Variants in MAP3K9 observed in about 807,000 individuals in gnomAD.
MAP3K9 encodes mitogen-activated protein kinase kinase kinase 9.
A neutral mutation model predicts 95.8 loss-of-function variants in MAP3K9; 46 were observed. The ratio of observed to expected loss-of-function variants is 0.48; its 90% CI spans 0.38 to 0.61. The LOEUF (loss-of-function observed/expected upper bound fraction) is 0.61. Among genes scored for constraint, MAP3K9 ranks in the 20% least tolerant of loss-of-function variants. The probability of loss-of-function intolerance (pLI) is 0.00; values close to 1 mark genes in which losing one functional copy is unlikely to be tolerated. For missense variants in MAP3K9, 1,296 were observed against 1,474.3 expected (o/e 0.88, Z 1.98); for synonymous variants, 533 against 593.8 (o/e 0.90, Z 1.49).
chr14:70,730,397 G>A lies in MAP3K9; in HGVS notation c.3298C>T (p.Gln1100Ter). Residue 1100 changes from glutamine (Q) to a stop codon, truncating the protein, a stop_gained, in exon 12 of 12, where the codon CAG becomes TAG. Transcript: ENST00000554752. LOFTEE classifies it high-confidence loss of function. The stretch of plus-strand genomic sequence containing the variant: ...TTTTCGTGCTAAGACCAGAACTCCT[G>A]CTGGATCTCATAAGGGGCAGGCCTG... ...THRPAPYEIQ[Q>*]EFWS 1 of 1,607,616 alleles carries A rather than the reference G, an allele frequency of 6.2e-7. No homozygotes were observed. Among genetic ancestry groups the A allele is most frequent in the Middle Eastern group, 1.7e-4 (1 of 6,036 alleles).
At position 70,808,972 on chromosome 14, in the gene MAP3K9, C is replaced by G; in HGVS notation, c.200G>C (p.Gly67Ala). The G allele has an allele frequency of 6.4e-7, 1 of 1,569,300 alleles. No individual in the cohort carries two copies. Among genetic ancestry groups the G allele is most frequent in the Non-Finnish European group, 8.6e-7 (1 of 1,164,622 alleles). ...CAGCCGCAGGGTCAGCTCGTCCTCGCCCGCCGCCTCGTACTCGAACACGGC... is the reference window on the plus strand; with the variant it reads ...CAGCCGCAGGGTCAGCTCGTCCTCGGCCGCCGCCTCGTACTCGAACACGGC... ...WTAVFEYEAAGEDELTLRLGD... is the reference protein window; with the variant it reads ...WTAVFEYEAAAEDELTLRLGD... Residue 67 changes from glycine to alanine, a missense_variant, in exon 1 of 12, where the codon GGC becomes GCC. By Grantham distance (60) the Gly-to-Ala change is moderately conservative. Transcript: ENST00000554752.
chr14:70,737,620 G>T (rs746427662), intron 8 of MAP3K9, among the ~76,000 whole-genome samples: 8 of 152,138 alleles, frequency 5.3e-5, no homozygotes, highest in Non-Finnish European at 8.8e-5. Context: ...TAGTTCTAGC[G>T]GCCCTGGAGT....
intron 3 of MAP3K9, among the ~76,000 whole-genome samples, chr14:70,756,279 C>T (rs1415802625): frequency 6.6e-6 from 1 of 152,210 alleles, no homozygotes; most frequent in Non-Finnish European, 1.5e-5. Context: ...TCGTCACCAG[C>T]AGAAACCTCT....
chr14:70,806,943 G>C (rs1318002862), intron 1 of MAP3K9, among the ~76,000 whole-genome samples: 1 of 152,196 alleles, frequency 6.6e-6, no homozygotes, highest in Non-Finnish European at 1.5e-5. Flanking sequence ...ACTATGCCAG[G>C]ATGCTTAGCC....
chr14:70,809,075 C>A lies in MAP3K9; in HGVS notation c.97G>T (p.Glu33Ter). 6.9e-7 allele frequency: 1 copy of A among 1,444,708 alleles called. No homozygotes were observed. The highest frequency in any genetic ancestry group is 9.0e-7 in the Non-Finnish European group (1 of 1,105,880). The allele number at this position is 1,444,708 out of a possible 1,614,324, so 89.5% of individuals were successfully genotyped here. The change falls in exon 1 of 12, where the codon GAG (glutamate) becomes TAG (stop). Residue 33 changes from glutamate to a stop codon, truncating the protein, a stop_gained. Coordinates refer to ENST00000554752, the MANE Select transcript of MAP3K9 (RefSeq NM_001284230.2). LOFTEE classifies it high-confidence loss of function. ...DGAGAGAEEE[E>*]EEEEEAAAAV... ...GCCGCCGCCTCCTCCTCCTCCTCCT[C>A]CTCCTCCTCGGCCCCGGCCCCTGCT...
intron 7 of MAP3K9, 50 bp from the exon 8 acceptor site, chr14:70,738,448 TC>T: frequency 1.3e-6 from 2 of 1,552,556 alleles, no homozygotes; most frequent in Non-Finnish European, 1.8e-6. Context: ...CAGACAGGGC[TC>T]CCCCAAACTA....
Position 70,730,647 on chromosome 14 carries a change from G to A in MAP3K9, c.3048C>T (p.Arg1016=). ...PWWFVSPSHA[R]STSPANSSST... ...TGGAGCTGTTGGCTGGGGAGGTGCT[G>A]CGGGCATGGCTGGGGGACACAAACC... The change falls in exon 12 of 12, where the codon CGC becomes CGT. Residue 1016 remains arginine (R), a synonymous_variant. Coordinates refer to ENST00000554752, the MANE Select transcript of MAP3K9 (RefSeq NM_001284230.2). 1 of 1,613,856 alleles carries A rather than the reference G, an allele frequency of 6.2e-7. No homozygotes were observed. The highest frequency in any genetic ancestry group is 8.5e-7 in the Non-Finnish European group (1 of 1,180,040).
intron 11 of MAP3K9, among the ~76,000 whole-genome samples, chr14:70,731,831 T>C (rs562693515): frequency 6.6e-6 from 1 of 152,354 alleles, no homozygotes; most frequent in African/African-American, 2.4e-5. Flanking sequence ...GGTATTACTA[T>C]GCCCCCTTTT....
chr14:70,750,126 A>G lies in MAP3K9; in HGVS notation c.1002-45T>C. The G allele has an allele frequency of 3.2e-6, 5 of 1,557,590 alleles. No homozygotes were observed. In the Admixed American group the frequency reaches 9.2e-5, roughly 29 times the overall value. Reference sequence around the variant, plus strand: ...AGAAGCCATGTAATAAACTTCAGGTACAACTTCACTGCAATAGCTCGAGTC... The same window carrying G: ...AGAAGCCATGTAATAAACTTCAGGTGCAACTTCACTGCAATAGCTCGAGTC... On this transcript the variant is annotated intron_variant, in intron 3 of 11. Coordinates refer to ENST00000554752, the MANE Select transcript of MAP3K9 (RefSeq NM_001284230.2).
rs888235083 is a variant in MAP3K9 at position 70,808,568 on chromosome 14, G to A, written c.406+198C>T. Among the ~76,000 whole-genome samples the A allele has an allele frequency of 1.8e-4, 27 of 152,202 alleles. 1 individual carries two copies. The East Asian group carries it at 5.2e-3, about 29-fold the overall frequency. Reference sequence around the variant, plus strand: ...GAAGAAGCCCAAGCGTCTGAAGTGCGGGCAGGGCCTGAGGCGTCTCGAGCT... The same window carrying A: ...GAAGAAGCCCAAGCGTCTGAAGTGCAGGCAGGGCCTGAGGCGTCTCGAGCT... On this transcript the variant is annotated intron_variant, in intron 1 of 11. Transcript: ENST00000554752.
intron 4 of MAP3K9, chr14:70,749,652 G>A (rs532907957): frequency 8.5e-5 from 30 of 354,634 alleles, no homozygotes; most frequent in Non-Finnish European, 1.4e-4. Flanking sequence ...AAAAGTTGCT[G>A]TACTTTCTGA....
chr14:70,758,178 C>T (rs2054322102), intron 3 of MAP3K9, among the ~76,000 whole-genome samples: 1 of 152,018 alleles, frequency 6.6e-6, no homozygotes, highest in African/African-American at 2.4e-5. Flanking sequence ...ACTCTTTCAG[C>T]TCAACAATAA....
chr14:70,754,156 C>A (rs567298058), intron 3 of MAP3K9, among the ~76,000 whole-genome samples: 16 of 152,208 alleles, frequency 1.1e-4, no homozygotes, highest in African/African-American at 3.1e-4. Context: ...GCATATAATT[C>A]TTCTTCTTAT....
At chr14:70,750,816 G>A (rs575408540) in intron 3 of MAP3K9, among the ~76,000 whole-genome samples, 1 of 152,182 alleles carries the variant, frequency 6.6e-6, no homozygotes, top group African/African-American at 2.4e-5. Context: ...GAAATAAACT[G>A]GGAGAAGAGG....
chr14:70,799,615 A>G (rs1202045918), intron 2 of MAP3K9, among the ~76,000 whole-genome samples: 1 of 152,236 alleles, frequency 6.6e-6, no homozygotes, highest in Non-Finnish European at 1.5e-5. Flanking sequence ...CTGGGATTAC[A>G]GGCGTGAGCC....
intron 2 of MAP3K9, among the ~76,000 whole-genome samples, chr14:70,784,416 G>A (rs901312259): frequency 6.6e-6 from 1 of 152,114 alleles, no homozygotes; most frequent in African/African-American, 2.4e-5. Flanking sequence ...CTGTATGCAA[G>A]CACAATTTTG....
chr14:70,749,879 G>A (rs2054200566), intron 4 of MAP3K9, 54 bp downstream of exon 4: 8 of 1,608,670 alleles, frequency 5.0e-6, no homozygotes, highest in East Asian at 2.2e-5. Flanking sequence ...ACTCTACCCA[G>A]TGCTTACAAG....
chr14:70,757,776 A>C (rs1408569553), intron 3 of MAP3K9, among the ~76,000 whole-genome samples: 1 of 152,232 alleles, frequency 6.6e-6, no homozygotes, highest in African/African-American at 2.4e-5. Flanking sequence ...GACATTTGAT[A>C]AAAGTGACCA....
At chr14:70,754,987 C>A (rs2054279057) in intron 3 of MAP3K9, among the ~76,000 whole-genome samples, 1 of 152,130 alleles carries the variant, frequency 6.6e-6, no homozygotes, top group Non-Finnish European at 1.5e-5. Context: ...GGATCCAGCC[C>A]TTTATCATCT....
Sources: allele counts gnomAD v4.1 joint callset (sites outside exome capture counted in the v4.1 genomes callset), GRCh38; gene constraint gnomAD v4.1.1; transcripts MANE v1.5; gene names NCBI Gene and HGNC (gene_info 2026-07-23, HGNC 2026-07-21).